Variants in PCDHGB1 observed in about 807,000 individuals in gnomAD.
PCDHGB1 encodes protocadherin gamma-B1.
PCDHGB1 carries 34 observed loss-of-function variants against 56.6 expected under a neutral mutation model. That is an observed-to-expected ratio of 0.60 (90% CI 0.46 to 0.80). The LOEUF (loss-of-function observed/expected upper bound fraction) is 0.80. PCDHGB1 is among the 30% of genes least tolerant of loss of function. The pLI is 0.00. For missense variants in PCDHGB1, 1,278 were observed against 1,204.6 expected (o/e 1.06, Z -0.90); for synonymous variants, 561 against 505.9 (o/e 1.11, Z -1.46).
At chr5:141,383,892 A>C (rs775731680) in intron 1 of PCDHGB1, 120 of 1,613,900 alleles carry the variant, frequency 7.4e-5, no homozygotes, top group Non-Finnish European at 9.4e-5. Flanking sequence ...TGACAAAGGC[A>C]AAAGTACTGA....
intron 1 of PCDHGB1, chr5:141,366,607 C>A: frequency 6.2e-7 from 1 of 1,614,268 alleles, no homozygotes; most frequent in Non-Finnish European, 8.5e-7. Context: ...AGGTCTCCCT[C>A]ACCGCGGACT....
chr5:141,485,500 C>T lies in PCDHGB1; in HGVS notation c.2410-9307C>T. 1 of 1,614,142 alleles carries T rather than the reference C, an allele frequency of 6.2e-7. No homozygotes were observed. The highest frequency in any genetic ancestry group is 8.5e-7 in the Non-Finnish European group (1 of 1,180,038). ...GCTGCATCGTGCCCCTGGAGTTTGT[C>T]ACCGAAGGTCCTTTGGAAATGTACC... On this transcript the variant is annotated intron_variant, in intron 1 of 3. Coordinates refer to ENST00000523390, the MANE Select transcript of PCDHGB1 (RefSeq NM_018922.3). The surrounding 1 kb of genome is among the most constrained non-coding windows in gnomAD (Gnocchi z 5.7).
At chr5:141,368,255 T>C (rs1354188654) in intron 1 of PCDHGB1, among the ~76,000 whole-genome samples, 1 of 152,202 alleles carries the variant, frequency 6.6e-6, no homozygotes, top group Non-Finnish European at 1.5e-5. Context: ...GAAAGGTTAA[T>C]TGACACATTA....
chr5:141,421,254 C>T, intron 1 of PCDHGB1: 1 of 1,607,460 alleles, frequency 6.2e-7, no homozygotes, highest in East Asian at 2.2e-5. Flanking sequence ...AGCGCGGGGA[C>T]CGCAGTCGGC....
At chr5:141,403,868 A>T (rs2094463706) in intron 1 of PCDHGB1, 2 of 1,613,752 alleles carry the variant, frequency 1.2e-6, no homozygotes, top group Non-Finnish European at 1.7e-6. Context: ...AACAGCAAAA[A>T]GTCTAGATTA....
rs1484954022 is a variant in PCDHGB1 at position 141,511,920 on chromosome 5, T to C, written c.*747T>C. 1 of 156,200 alleles carries C rather than the reference T, an allele frequency of 6.4e-6. No individual in the cohort carries two copies. Among genetic ancestry groups the C allele is most frequent in the Non-Finnish European group, 1.4e-5 (1 of 70,262 alleles). The allele number at this position is 156,200 out of a possible 1,614,324, so 9.7% of individuals were successfully genotyped here. The stretch of plus-strand genomic sequence containing the variant: ...CTCCTCCTCAAACAAGAGACTCCAC[T>C]GCATGTTCCAAGACAGTATGGGGTG... On this transcript the variant is annotated 3_prime_UTR_variant, in exon 4 of 4. Coordinates refer to ENST00000523390, the MANE Select transcript of PCDHGB1 (RefSeq NM_018922.3).
At chr5:141,382,689 T>C in intron 1 of PCDHGB1, 3 of 445,878 alleles carry the variant, frequency 6.7e-6, no homozygotes, top group African/African-American at 2.0e-5. Flanking sequence ...CAGGGAAAAA[T>C]GGTGCGAGAG....
chr5:141,430,686 C>G, intron 1 of PCDHGB1: 1 of 1,397,218 alleles, frequency 7.2e-7, no homozygotes, highest in Non-Finnish European at 9.5e-7. Context: ...CTGTCCCATT[C>G]TATGGGCGAA....
chr5:141,393,532 C>T (rs1411410420), intron 1 of PCDHGB1: 5 of 1,613,886 alleles, frequency 3.1e-6, no homozygotes, highest in African/African-American at 2.7e-5. Flanking sequence ...GACAATGCCC[C>T]GGTTTTTCCT....
chr5:141,419,165 A>G, intron 1 of PCDHGB1: 1 of 1,613,978 alleles, frequency 6.2e-7, no homozygotes, highest in Non-Finnish European at 8.5e-7. Flanking sequence ...ATCCTCCAGC[A>G]AAACCATAAC....
chr5:141,372,024 G>C (rs756350888), intron 1 of PCDHGB1: 1 of 1,613,384 alleles, frequency 6.2e-7, no homozygotes, highest in East Asian at 2.2e-5. Context: ...TACGCTCAGC[G>C]CCAACGTGAG....
chr5:141,392,248 A>G (rs2092491180), intron 1 of PCDHGB1: 3 of 152,220 alleles, frequency 2.0e-5, no homozygotes, highest in Admixed American at 2.0e-4. Flanking sequence ...ATTTGTTAGT[A>G]TATATTGGAG....
intron 1 of PCDHGB1, chr5:141,399,529 G>C: frequency 6.2e-7 from 1 of 1,614,010 alleles, no homozygotes; most frequent in African/African-American, 1.3e-5. Context: ...GGCCTCCATC[G>C]CGCAAGTCTG....
At position 141,412,987 on chromosome 5, in the gene PCDHGB1, A is replaced by G. The variant is rs192699644; in HGVS notation, c.2409+60318A>G. The G allele has an allele frequency of 3.7e-3, 2,104 of 564,638 alleles. 8 individuals carry two copies. Among genetic ancestry groups the G allele is most frequent in the Admixed American group, 0.011 (308 of 27,526 alleles). 35.0% of individuals were successfully genotyped at this position (564,638 alleles called of 1,614,324 possible). ...AGGAGAGAAAACGCAGCCAGAGCTCAATCCGGATTCTCAGGGCTTCAACTA... is the reference window on the plus strand; with the variant it reads ...AGGAGAGAAAACGCAGCCAGAGCTCGATCCGGATTCTCAGGGCTTCAACTA... On this transcript the variant is annotated intron_variant, in intron 1 of 3. Transcript: ENST00000523390.
chr5:141,374,926 TG>T, intron 1 of PCDHGB1: 2 of 1,613,970 alleles, frequency 1.2e-6, no homozygotes, highest in Non-Finnish European at 1.7e-6. Context: ...CTTATTCCTT[TG>T]TGAAGATTAC....
At chr5:141,372,707 G>A (rs1451654894) in intron 1 of PCDHGB1, 2 of 1,613,964 alleles carry the variant, frequency 1.2e-6, no homozygotes, top group Non-Finnish European at 1.7e-6. Flanking sequence ...TCAATATAAA[G>A]GCTGAAAATG....
chr5:141,495,702 T>C (rs1462896403), intron 2 of PCDHGB1, among the ~76,000 whole-genome samples: 3 of 152,212 alleles, frequency 2.0e-5, no homozygotes, highest in Non-Finnish European at 4.4e-5. Context: ...TCAATAAATG[T>C]GGAGTGAGTA....
intron 3 of PCDHGB1, 120 bp downstream of exon 3, chr5:141,505,601 C>T (rs1171679451): frequency 6.4e-7 from 1 of 1,550,630 alleles, no homozygotes; most frequent in Non-Finnish European, 8.7e-7. Flanking sequence ...GATCTTTCGG[C>T]AGGTCTGAAA....
chr5:141,486,030 C>A lies in PCDHGB1; in HGVS notation c.2410-8777C>A. The A allele has an allele frequency of 6.2e-7, 1 of 1,614,164 alleles. No homozygotes were observed. The highest frequency in any genetic ancestry group is 8.5e-7 in the Non-Finnish European group (1 of 1,180,012). ...ACCTTTTATTTCAGTGGTCATACCC[C>A]TGATCGTGTAAGAAACCTCTTTAGC... On this transcript the variant is annotated intron_variant, in intron 1 of 3. Coordinates refer to ENST00000523390, the MANE Select transcript of PCDHGB1 (RefSeq NM_018922.3). The surrounding 1 kb of genome is among the most constrained non-coding windows in gnomAD (Gnocchi z 5.0).
Sources: allele counts gnomAD v4.1 joint callset (sites outside exome capture counted in the v4.1 genomes callset), GRCh38; gene constraint gnomAD v4.1.1; non-coding constraint Gnocchi (gnomAD v3.1); transcripts MANE v1.5; gene names NCBI Gene and HGNC (gene_info 2026-07-23, HGNC 2026-07-21).